The following MYT1L variants were observed in gnomAD, a reference collection of about 807,000 sequenced individuals.
MYT1L encodes myelin transcription factor 1-like protein.
A neutral mutation model predicts 126.7 loss-of-function variants in MYT1L; 12 were observed. The observed-to-expected ratio is 0.09, with a 90% CI of 0.06 to 0.15. The LOEUF is 0.15. Among genes scored for constraint, MYT1L ranks in the 10% least tolerant of loss-of-function variants. The probability of loss-of-function intolerance (pLI) is 1.00; values close to 1 mark genes in which losing one functional copy is unlikely to be tolerated. For missense variants in MYT1L, 979 were observed against 1,585.2 expected, an observed-to-expected ratio of 0.62 and a Z score of 6.49; for synonymous variants, 541 against 604.2, an observed-to-expected ratio of 0.90 and a Z score of 1.53.
chr2:2,092,420 C>T (rs1207564725), intron 3 of MYT1L, among the ~76,000 whole-genome samples: 1 of 152,120 alleles, frequency 6.6e-6, no homozygotes, highest in Non-Finnish European at 1.5e-5. Context: ...ACAATAGTAA[C>T]ATCAAAGATG....
chr2:2,167,355 C>T (rs1221414907), intron 3 of MYT1L, among the ~76,000 whole-genome samples: 1 of 152,188 alleles, frequency 6.6e-6, no homozygotes, highest in Non-Finnish European at 1.5e-5. Flanking sequence ...CGTTGCTGCA[C>T]TGTAAGCCCA....
At chr2:1,969,405 G>C (rs2059635930) in intron 8 of MYT1L, among the ~76,000 whole-genome samples, 1 of 152,226 alleles carries the variant, frequency 6.6e-6, no homozygotes, top group African/African-American at 2.4e-5. Flanking sequence ...CTCATTAGGA[G>C]TCCAGGCCTG....
intron 4 of MYT1L, among the ~76,000 whole-genome samples, chr2:2,012,060 T>G (rs1440788749): frequency 6.6e-6 from 1 of 152,226 alleles, no homozygotes; most frequent in Non-Finnish European, 1.5e-5. Flanking sequence ...AGTCACTATG[T>G]GACCCAGAAA....
chr2:1,870,962 C>CTTTT (rs1226835093), intron 18 of MYT1L, among the ~76,000 whole-genome samples: 25 of 152,194 alleles, frequency 1.6e-4, no homozygotes, highest in Non-Finnish European at 2.9e-5. Flanking sequence ...GCTTTACCCG[C>CTTTT]CCTGCCCTAG....
chr2:2,023,248 A>C (rs2065205723), intron 4 of MYT1L, among the ~76,000 whole-genome samples: 1 of 152,122 alleles, frequency 6.6e-6, no homozygotes, highest in Non-Finnish European at 1.5e-5. Context: ...AATCCTAGAC[A>C]CCAGCTGCCT....
At chr2:1,832,953 T>G (rs1337385647) in intron 21 of MYT1L, among the ~76,000 whole-genome samples, 5 of 152,236 alleles carry the variant, frequency 3.3e-5, no homozygotes, top group Non-Finnish European at 7.3e-5. Context: ...TACTCAACTT[T>G]GTAAACCAGA....
At chr2:2,094,185 C>T (rs1038453715) in intron 3 of MYT1L, among the ~76,000 whole-genome samples, 3 of 152,216 alleles carry the variant, frequency 2.0e-5, no homozygotes, top group Admixed American at 2.0e-4. Flanking sequence ...TCATCACTGG[C>T]CATCAGAGAA....
intron 2 of MYT1L, among the ~76,000 whole-genome samples, chr2:2,279,400 A>G (rs1178199044): frequency 6.6e-6 from 1 of 151,544 alleles, no homozygotes; most frequent in African/African-American, 2.4e-5. Flanking sequence ...GAAGGAGAAG[A>G]AGAAGAGGAG....
intron 18 of MYT1L, among the ~76,000 whole-genome samples, chr2:1,858,275 C>T (rs2044162852): frequency 1.3e-5 from 2 of 152,044 alleles, no homozygotes; most frequent in Non-Finnish European, 2.9e-5. Context: ...GGCTCGATAC[C>T]CATTTTTAGT....
chr2:2,024,240 G>A (rs533157744), intron 4 of MYT1L, among the ~76,000 whole-genome samples: 10 of 152,038 alleles, frequency 6.6e-5, no homozygotes, highest in Non-Finnish European at 1.0e-4. Context: ...ATTAGCTAGC[G>A]TCAGCCTGCA....
chr2:1,931,277 C>A (rs900108646), intron 9 of MYT1L, among the ~76,000 whole-genome samples: 3 of 152,242 alleles, frequency 2.0e-5, no homozygotes, highest in Non-Finnish European at 4.4e-5. Flanking sequence ...ATGCCTAGTG[C>A]GCACTTTGAA....
At chr2:2,112,374 A>C (rs193097835) in intron 3 of MYT1L, among the ~76,000 whole-genome samples, 2 of 152,360 alleles carry the variant, frequency 1.3e-5, no homozygotes, top group African/African-American at 4.8e-5. Context: ...TACTGGTCAA[A>C]GGAAAGTATT....
intron 19 of MYT1L, chr2:1,841,927 C>T (rs1572757089): frequency 6.6e-6 from 1 of 152,192 alleles, no homozygotes; most frequent in Non-Finnish European, 1.5e-5. Flanking sequence ...GGTACAGAGG[C>T]TTTGGACATG....
chr2:2,130,094 C>T (rs1366146933), intron 3 of MYT1L, among the ~76,000 whole-genome samples: 1 of 151,700 alleles, frequency 6.6e-6, no homozygotes, highest in Non-Finnish European at 1.5e-5. Flanking sequence ...CATTATAGGA[C>T]AGAAAAATAA....
At chr2:1,869,450 C>T (rs533024070) in intron 18 of MYT1L, among the ~76,000 whole-genome samples, 45 of 152,372 alleles carry the variant, frequency 3.0e-4, no homozygotes, top group Middle Eastern at 3.4e-3. Flanking sequence ...TGCCGGTGCA[C>T]GCATGTGCGT....
In MYT1L at chr2:2,270,985, A is replaced by T. The variant is rs2149341338; in HGVS notation, c.-421+13419T>A. On this transcript the variant is annotated intron_variant, in intron 2 of 24. Coordinates refer to ENST00000647738, the MANE Select transcript of MYT1L (RefSeq NM_001303052.2). ...TACAAACTCCTTACCCGTGTCAAGGATGTGGTTGCGTGTTCTTCGCTTCCT... is the reference window on the plus strand; with the variant it reads ...TACAAACTCCTTACCCGTGTCAAGGTTGTGGTTGCGTGTTCTTCGCTTCCT... Among the ~76,000 whole-genome samples, 2 of 152,212 alleles carry T rather than the reference A, an allele frequency of 1.3e-5. 1 individual carries two copies. Among genetic ancestry groups the T allele is most frequent in the East Asian group, 3.9e-4 (2 of 5,170 alleles).
In MYT1L at chr2:1,790,037, T is replaced by C. The variant is rs6742365; in HGVS notation, c.*1830A>G. 0.18 allele frequency: 26,915 copies of C among 152,110 alleles called. 2,566 individuals carry two copies. Among genetic ancestry groups the C allele is most frequent in the African/African-American group, 0.25 (10,380 of 41,500 alleles). The allele number at this position is 152,110 out of a possible 1,614,324, so 9.4% of individuals were successfully genotyped here. A position where few individuals can be genotyped will look rare whatever the true frequency, so the allele number is the denominator to read the frequency against. ...TCGTGAGATCCCTGTAGTCTCCCTT[T>C]GCAACATTATTGATCAGCCGTGAGG... is the stretch of plus-strand genomic sequence containing the variant. On this transcript the variant is annotated 3_prime_UTR_variant, in exon 25 of 25. Coordinates refer to ENST00000647738, the MANE Select transcript of MYT1L (RefSeq NM_001303052.2).
intron 2 of MYT1L, among the ~76,000 whole-genome samples, chr2:2,267,264 C>T (rs996680600): frequency 3.4e-5 from 5 of 148,214 alleles, no homozygotes; most frequent in Non-Finnish European, 5.9e-5. Context: ...AGACTTTGGC[C>T]TCGCAGTCTC....
At chr2:2,114,329 T>G (rs921984668) in intron 3 of MYT1L, among the ~76,000 whole-genome samples, 1 of 152,246 alleles carries the variant, frequency 6.6e-6, no homozygotes, top group Admixed American at 6.5e-5. Context: ...AAGGTTACCA[T>G]GAAGTCTGTG....
Sources: allele counts gnomAD v4.1 joint callset (sites outside exome capture counted in the v4.1 genomes callset), GRCh38; gene constraint gnomAD v4.1.1; transcripts MANE v1.5; gene names NCBI Gene and HGNC (gene_info 2026-07-23, HGNC 2026-07-21).